Variants in DGKK observed in about 807,000 individuals in gnomAD.
The protein encoded by DGKK is 142 kDa diacylglycerol kinase.
DGKK carries 35 observed loss-of-function variants against 92.2 expected under a neutral mutation model. The observed-to-expected ratio is 0.38, with a 90% confidence interval of 0.29 to 0.50. DGKK has a LOEUF of 0.50. DGKK is among the 20% of genes least tolerant of loss of function. DGKK has a pLI of 0.92. For missense variants in DGKK, 910 were observed against 992.2 expected, an observed-to-expected ratio of 0.92 and a Z score of 1.11; for synonymous variants, 368 against 360.6, an observed-to-expected ratio of 1.02 and a Z score of -0.23.
At chrX:50,412,861 A>C (rs148666890) in intron 4 of DGKK, among the ~76,000 whole-genome samples, 52 of 111,726 alleles carry the variant, frequency 4.7e-4, no homozygotes, top group African/African-American at 1.7e-3. Flanking sequence ...TGAGCCATAG[A>C]TTGGTACCAG....
chrX:50,404,635 G>A (rs782422847), intron 4 of DGKK, among the ~76,000 whole-genome samples: 10 of 109,647 alleles, frequency 9.1e-5, no homozygotes, highest in South Asian at 8.1e-4. Context: ...TAGTAGAGAC[G>A]GGGTCAAGTG....
At chrX:50,374,947 C>T (rs782554813) in intron 25 of DGKK, 24 bp downstream of exon 25, 1 of 1,182,970 alleles carries the variant, frequency 8.5e-7, no homozygotes, top group Non-Finnish European at 1.1e-6. Flanking sequence ...TTTGCCCTCC[C>T]AGACTCCAAC....
intron 26 of DGKK, 100 bp downstream of exon 26, chrX:50,371,624 C>G (rs782089675): frequency 5.0e-5 from 29 of 584,117 alleles, no homozygotes; most frequent in Non-Finnish European, 7.6e-5. Flanking sequence ...GCACTGGACC[C>G]CCTGTACTAC....
intron 1 of DGKK, among the ~76,000 whole-genome samples, chrX:50,435,775 G>T (rs987789063): frequency 9.0e-6 from 1 of 111,107 alleles, no homozygotes; most frequent in African/African-American, 3.3e-5. Flanking sequence ...AAGAGAGAGA[G>T]AGACTCAGAG....
Position 50,470,511 on chromosome X carries a change from C to T in DGKK, c.168G>A (p.Glu56=). ...LSEASPEPIP[E]PCPELAPGPC... is the part of the protein sequence containing the mutation. ...GACCTGGAGCAAGCTCTGGACAGGG[C>T]TCTGGTATGGGTTCTGGCGAAGCCT... The change falls in exon 1 of 28, where the codon GAG becomes GAA. Residue 56 remains glutamate (E), a synonymous_variant. Coordinates refer to ENST00000611977, the MANE Select transcript of DGKK (RefSeq NM_001013742.4). The T allele has an allele frequency of 8.3e-7, 1 of 1,212,081 alleles. No individual in the cohort carries two copies. Among genetic ancestry groups the T allele is most frequent in the Non-Finnish European group, 1.1e-6 (1 of 895,591 alleles).
chrX:50,372,671 C>T (rs1265204353), intron 25 of DGKK, among the ~76,000 whole-genome samples: 5 of 112,204 alleles, frequency 4.5e-5, no homozygotes, highest in African/African-American at 1.6e-4. Context: ...ACAAGATGAA[C>T]TTTGTACAGT....
intron 27 of DGKK, among the ~76,000 whole-genome samples, chrX:50,369,506 CTCT>C (rs1244818548): frequency 9.5e-6 from 1 of 105,035 alleles, no homozygotes; most frequent in Admixed American, 1.0e-4. Context: ...TTTATTCTTC[CTCT>C]TTTTTTCTCC....
intron 4 of DGKK, among the ~76,000 whole-genome samples, chrX:50,418,436 T>C (rs1040152362): frequency 3.6e-5 from 4 of 111,599 alleles, no homozygotes; most frequent in Non-Finnish European, 7.5e-5. Flanking sequence ...TAGTTTCCAA[T>C]AGATTATCCA....
intron 1 of DGKK, among the ~76,000 whole-genome samples, chrX:50,448,180 T>C (rs926848989): frequency 8.1e-5 from 9 of 110,612 alleles, no homozygotes; most frequent in Non-Finnish European, 1.3e-4. Context: ...TTATTAAAGC[T>C]CCTTTCTCTT....
At chrX:50,390,484 G>T in intron 11 of DGKK, 75 bp from the exon 12 acceptor site, 7 of 965,305 alleles carry the variant, frequency 7.3e-6, no homozygotes, top group Non-Finnish European at 8.8e-6. Context: ...CAAAGGTGAA[G>T]ACAGAAGTAA....
chrX:50,426,695 C>G (rs1255276973), intron 1 of DGKK, among the ~76,000 whole-genome samples: 1 of 111,544 alleles, frequency 9.0e-6, no homozygotes, highest in East Asian at 2.8e-4. Flanking sequence ...ATAATTAATA[C>G]AAATCTGAAA....
rs370174837 is a variant in DGKK, at chrX:50,375,073, C to T, written c.3415-16G>A. 210 of 1,162,028 alleles carry T rather than the reference C, an allele frequency of 1.8e-4. 1 individual carries two copies. The highest frequency in any genetic ancestry group is 1.0e-3 in the Admixed American group (46 of 44,828). ...TGCTTAGAGTCTGAGAGGAAAAGAA[C>T]GGAAAAGGAGAGAAAAAGACAAAGA... On this transcript the variant is annotated splice_polypyrimidine_tract_variant and intron_variant, in intron 24 of 27. Coordinates refer to ENST00000611977, the MANE Select transcript of DGKK (RefSeq NM_001013742.4).
At chrX:50,405,524 G>C (rs782268941) in intron 4 of DGKK, among the ~76,000 whole-genome samples, 6 of 101,628 alleles carry the variant, frequency 5.9e-5, no homozygotes, top group Admixed American at 2.0e-4. Context: ...GTTGACAGTG[G>C]GGGGAGAGAG....
chrX:50,369,424 CT>C (rs1294813986), intron 27 of DGKK, among the ~76,000 whole-genome samples: 2 of 110,817 alleles, frequency 1.8e-5, no homozygotes, highest in Admixed American at 9.5e-5. Flanking sequence ...CTGTCCCTTT[CT>C]TTTTTTCTTT....
intron 3 of DGKK, among the ~76,000 whole-genome samples, chrX:50,421,000 C>T (rs1925572146): frequency 8.9e-6 from 1 of 112,001 alleles, no homozygotes; most frequent in African/African-American, 3.2e-5. Flanking sequence ...ACCCTACTTG[C>T]TTACTGCTAC....
At chrX:50,413,660 C>T (rs1395918830) in intron 4 of DGKK, among the ~76,000 whole-genome samples, 1 of 111,927 alleles carries the variant, frequency 8.9e-6, no homozygotes, top group Non-Finnish European at 1.9e-5. Flanking sequence ...TGAGATACCA[C>T]ACCACACCTG....
At chrX:50,391,101 T>C (rs1369172317) in intron 11 of DGKK, among the ~76,000 whole-genome samples, 2 of 111,521 alleles carry the variant, frequency 1.8e-5, no homozygotes, top group Non-Finnish European at 3.8e-5. Context: ...TTGGTGTTTT[T>C]GTTGTTGTTG....
intron 4 of DGKK, among the ~76,000 whole-genome samples, chrX:50,414,415 G>A (rs185897304): frequency 2.2e-4 from 25 of 111,322 alleles, no homozygotes; most frequent in African/African-American, 8.1e-4. Flanking sequence ...ATTTAATCAT[G>A]CCACCTCGTA....
At chrX:50,434,522 T>A (rs1043385851) in intron 1 of DGKK, among the ~76,000 whole-genome samples, 2 of 111,207 alleles carry the variant, frequency 1.8e-5, no homozygotes, top group Non-Finnish European at 3.8e-5. Context: ...GTGTGAGATC[T>A]AACTTGGGGA....
Sources: allele counts gnomAD v4.1 joint callset (sites outside exome capture counted in the v4.1 genomes callset), GRCh38; gene constraint gnomAD v4.1.1; transcripts MANE v1.5; gene names NCBI Gene and HGNC (gene_info 2026-07-23, HGNC 2026-07-21).